Variants in GRB10 observed in about 807,000 individuals in gnomAD.
GRB10 encodes the protein growth factor receptor-bound protein 10.
GRB10 carries 20 observed loss-of-function variants against 80.9 expected under a neutral mutation model. The ratio of observed to expected loss-of-function variants is 0.25; its 90% CI spans 0.17 to 0.36. The LOEUF (loss-of-function observed/expected upper bound fraction) is 0.36, where lower values mean the gene tolerates loss of function less well. Ranked by LOEUF, GRB10 falls within the 10% of genes least tolerant of loss-of-function variation. The pLI, the probability that GRB10 is intolerant of heterozygous loss-of-function variation, is 1.00. For synonymous variants in GRB10, 291 were observed against 291.5 expected, an observed-to-expected ratio of 1.00 and a Z score of 0.02; for missense variants, 548 against 747.7, an observed-to-expected ratio of 0.73 and a Z score of 3.12.
At chr7:50,604,925 C>G (rs1421091329) in intron 15 of GRB10, 5 of 312,898 alleles carry the variant, frequency 1.6e-5, no homozygotes, top group Non-Finnish European at 2.4e-5. Context: ...CTGTTAGTAG[C>G]AGACCTTGAT....
At chr7:50,764,853 T>C (rs147858495) in intron 2 of GRB10, among the ~76,000 whole-genome samples, 1 of 152,300 alleles carries the variant, frequency 6.6e-6, no homozygotes, top group African/African-American at 2.4e-5. Flanking sequence ...GAAAGCAGTA[T>C]ATCTGTGGGT....
intron 2 of GRB10, among the ~76,000 whole-genome samples, chr7:50,760,079 A>G (rs1436961246): frequency 6.6e-6 from 1 of 152,238 alleles, no homozygotes; most frequent in Non-Finnish European, 1.5e-5. Context: ...TGGGTTAGCC[A>G]GAGAGCGTGC....
At chr7:50,609,848 G>C (rs2049192792) in intron 13 of GRB10, among the ~76,000 whole-genome samples, 1 of 152,184 alleles carries the variant, frequency 6.6e-6, no homozygotes, top group Non-Finnish European at 1.5e-5. Flanking sequence ...ATTATCTGCT[G>C]GCGCTACTAA....
chr7:50,723,223 A>T (rs1303916640), intron 4 of GRB10, among the ~76,000 whole-genome samples: 1 of 152,106 alleles, frequency 6.6e-6, no homozygotes, highest in Non-Finnish European at 1.5e-5. Context: ...GCAGTGAAGG[A>T]CTCAAATTCC....
intron 4 of GRB10, among the ~76,000 whole-genome samples, chr7:50,715,992 T>A (rs374601605): frequency 5.9e-5 from 9 of 152,192 alleles, no homozygotes; most frequent in African/African-American, 2.2e-4. Context: ...CCTAGGATCG[T>A]CCTAAGGAGA....
intron 7 of GRB10, among the ~76,000 whole-genome samples, chr7:50,666,138 G>T (rs549178488): frequency 6.6e-6 from 1 of 152,280 alleles, no homozygotes; most frequent in South Asian, 2.1e-4. Flanking sequence ...TAGAATAATG[G>T]CTGCTCTCTT....
intron 7 of GRB10, among the ~76,000 whole-genome samples, chr7:50,659,926 C>A (rs1194019701): frequency 6.6e-6 from 1 of 152,202 alleles, no homozygotes; most frequent in Non-Finnish European, 1.5e-5. Context: ...TCGTCTGGGG[C>A]ACTGCTGTGG....
intron 7 of GRB10, among the ~76,000 whole-genome samples, chr7:50,668,769 G>A (rs1022024350): frequency 2.0e-5 from 3 of 152,170 alleles, no homozygotes; most frequent in Non-Finnish European, 2.9e-5. Flanking sequence ...CCTGCCAACC[G>A]GTGGGGAGGA....
intron 4 of GRB10, chr7:50,711,104 C>T (rs1325342003): frequency 2.2e-5 from 13 of 604,042 alleles, no homozygotes; most frequent in African/African-American, 5.5e-5. Context: ...GGAGAATGCC[C>T]GATCATAACC....
rs114241168 is a variant in GRB10, at chr7:50,675,870, C to T, written c.140-1212G>A. 6.8e-3 allele frequency among the ~76,000 whole-genome samples: 1,042 copies of T among 152,276 alleles called. 14 individuals are homozygous for T. The highest frequency in any genetic ancestry group is 0.024 in the African/African-American group (985 of 41,564). The stretch of plus-strand genomic sequence containing the variant: ...CCAGGAGCTAGGGCTGTGCAGCTTC[C>T]GGTGCTTCCTAAGGCCTGGCTGCAC... On this transcript the variant is annotated intron_variant, in intron 5 of 18. Transcript: ENST00000401949.
At chr7:50,620,225 G>A (rs922218364) in intron 8 of GRB10, among the ~76,000 whole-genome samples, 1 of 152,132 alleles carries the variant, frequency 6.6e-6, no homozygotes, top group Non-Finnish European at 1.5e-5. Flanking sequence ...ATGTACAGCA[G>A]GGTCAAAGTG....
chr7:50,654,068 G>A (rs1444849955), intron 7 of GRB10, among the ~76,000 whole-genome samples: 2 of 152,306 alleles, frequency 1.3e-5, no homozygotes, highest in Admixed American at 6.5e-5. Flanking sequence ...CTCGGATGAC[G>A]TTTATACACA....
At position 50,706,239 on chromosome 7, in the gene GRB10, T is replaced by C. The variant is rs2065022198; in HGVS notation, c.52-2331A>G. ...GTAAATAATTGTGTTTTCCTGTCCC[T>C]GTCTTCAACTATTTTAAAACTTCAG... is the stretch of plus-strand genomic sequence containing the variant. On this transcript the variant is annotated intron_variant, in intron 4 of 18. Coordinates refer to ENST00000401949, the MANE Select transcript of GRB10 (RefSeq NM_001350814.2). Among the ~76,000 whole-genome samples the C allele has an allele frequency of 2.6e-5, 4 of 152,266 alleles. 1 individual carries two copies. The South Asian group carries it at 8.3e-4, about 31-fold the overall frequency.
At chr7:50,697,025 C>T (rs1007355288) in intron 5 of GRB10, among the ~76,000 whole-genome samples, 16 of 152,114 alleles carry the variant, frequency 1.1e-4, no homozygotes, top group African/African-American at 3.9e-4. Flanking sequence ...ATGGGTGAAC[C>T]CTGAAGACAT....
At chr7:50,792,051 G>A (rs548649780) in intron 1 of GRB10, among the ~76,000 whole-genome samples, 1 of 152,152 alleles carries the variant, frequency 6.6e-6, no homozygotes, top group South Asian at 2.1e-4. Flanking sequence ...CTAACAACAT[G>A]TGTTCTTGGT....
intron 1 of GRB10, chr7:50,793,142 G>T (rs1423143656): frequency 1.4e-5 from 2 of 145,184 alleles, no homozygotes; most frequent in African/African-American, 4.9e-5. Context: ...GACGGCGCGG[G>T]GACCCGCCTG....
At chr7:50,629,445 GC>G (rs2053591161) in intron 7 of GRB10, among the ~76,000 whole-genome samples, 1 of 152,148 alleles carries the variant, frequency 6.6e-6, no homozygotes, top group Non-Finnish European at 1.5e-5. Flanking sequence ...CCCTGAGGGG[GC>G]AAGGCAGACA....
rs1380128716 is a variant in GRB10 at position 50,674,704 on chromosome 7, G to A, written c.140-46C>T. On this transcript the variant is annotated intron_variant, in intron 5 of 18. Coordinates refer to ENST00000401949, the MANE Select transcript of GRB10 (RefSeq NM_001350814.2). ...GCAAAAAAGAAACTTTAACAATGGA[G>A]AGCAATCAAACCCAAATGTACATCT... 3 of 1,528,754 alleles carry A rather than the reference G, an allele frequency of 2.0e-6. No homozygotes were observed. The African/African-American group carries it at 4.1e-5, about 21-fold the overall frequency. The allele number at this position is 1,528,754 out of a possible 1,614,324, so 94.7% of individuals were successfully genotyped here. A position where few individuals can be genotyped will look rare whatever the true frequency, so the allele number is the denominator to read the frequency against.
chr7:50,736,115 A>C (rs2070752195), intron 3 of GRB10, among the ~76,000 whole-genome samples: 1 of 152,026 alleles, frequency 6.6e-6, no homozygotes, highest in Non-Finnish European at 1.5e-5. Flanking sequence ...GTGAAACCTC[A>C]CCTCTACTAA....
Sources: allele counts gnomAD v4.1 joint callset (sites outside exome capture counted in the v4.1 genomes callset), GRCh38; gene constraint gnomAD v4.1.1; transcripts MANE v1.5; gene names NCBI Gene and HGNC (gene_info 2026-07-23, HGNC 2026-07-21).